MINDY4: variants seen among roughly 807,000 people sequenced by gnomAD.
The protein encoded by MINDY4 is MINDY lysine 48 deubiquitinase 4.
MINDY4 carries 68 observed loss-of-function variants against 87.0 expected under a neutral mutation model. That is an observed-to-expected ratio of 0.78 (90% CI 0.64 to 0.96). The LOEUF is 0.96. Ranked by LOEUF, MINDY4 falls within the 40% of genes least tolerant of loss-of-function variation. MINDY4 has a pLI of 0.00. For missense variants in MINDY4, 919 were observed against 928.2 expected (o/e 0.99, Z 0.13); for synonymous variants, 379 against 363.2 (o/e 1.04, Z -0.50).
Position 30,852,729 on chromosome 7 carries a change from G to A in MINDY4, c.1611+450G>A, listed in dbSNP as rs151244560. 1.3e-3 allele frequency among the ~76,000 whole-genome samples: 202 copies of A among 152,284 alleles called. 2 individuals carry two copies. Among genetic ancestry groups the A allele is most frequent in the African/African-American group, 4.8e-3 (198 of 41,546 alleles). On this transcript the variant is annotated intron_variant, in intron 11 of 17. Coordinates refer to ENST00000265299, the MANE Select transcript of MINDY4 (RefSeq NM_032222.3). ...GCCAGATCTAAGTCATACACAATCG[G>A]GGAAATAATGGAAGACATACATTTT...
chr7:30,853,442 C>G lies in MINDY4; in HGVS notation c.1660C>G (p.Gln554Glu). The G allele has an allele frequency of 6.2e-7, 1 of 1,613,156 alleles. No homozygotes were observed. The highest frequency in any genetic ancestry group is 8.5e-7 in the Non-Finnish European group (1 of 1,179,496). Residue 554 changes from glutamine (Q) to glutamate (E), a missense_variant, in exon 12 of 18, where the codon CAA becomes GAA. Physicochemically the swap from Gln to Glu is conservative, Grantham distance 29. Coordinates refer to ENST00000265299, the MANE Select transcript of MINDY4 (RefSeq NM_032222.3). The stretch of plus-strand genomic sequence containing the variant: ...CTATGAGGACCTGGTGACTTTTCTT[C>G]AACAAAGCATTCATCAGGTATGAAG... ...TCYEDLVTFL[Q>E]QSIHQFEVGP...
At chr7:30,785,556 A>G (rs557956775) in intron 3 of MINDY4, among the ~76,000 whole-genome samples, 193 bp from the exon 4 acceptor site, 10 of 152,230 alleles carry the variant, frequency 6.6e-5, no homozygotes, top group Admixed American at 5.9e-4. Flanking sequence ...GTCTTATTTT[A>G]TAGGGCAGAC....
intron 15 of MINDY4, among the ~76,000 whole-genome samples, chr7:30,876,724 A>G (rs1281738761): frequency 6.6e-6 from 1 of 152,140 alleles, no homozygotes; most frequent in African/African-American, 2.4e-5. Context: ...TAAATGGGAA[A>G]GGTTGTCCTG....
At chr7:30,885,001 A>G (rs889638620) in intron 17 of MINDY4, among the ~76,000 whole-genome samples, 6 of 152,232 alleles carry the variant, frequency 3.9e-5, no homozygotes, top group Non-Finnish European at 5.9e-5. Flanking sequence ...GAGAGGCTGC[A>G]TGATTTGGGC....
intron 5 of MINDY4, chr7:30,796,691 A>G (rs913380188): frequency 6.6e-6 from 1 of 152,190 alleles, no homozygotes; most frequent in Non-Finnish European, 1.5e-5. Context: ...TTGCAGGTGT[A>G]GCAAAGTTAT....
intron 5 of MINDY4, among the ~76,000 whole-genome samples, chr7:30,811,868 TTGGGGAGCTCGGTTG>T (rs2128558380): frequency 6.6e-6 from 1 of 152,294 alleles, no homozygotes; most frequent in East Asian, 1.9e-4. Flanking sequence ...AATTGCTCAC[TTGGGGAGCTCGGTTG>T]TTGGAGACGT....
chr7:30,850,346 A>C lies in MINDY4; in HGVS notation c.1446-108A>C, dbSNP rs1789371818. ...AGGTGGCCCCTCTGCAGGCCAGAGA[A>C]AGAACAGGCCATCTGCGGAGGGGAC... On this transcript the variant is annotated intron_variant, in intron 9 of 17. Coordinates refer to ENST00000265299, the MANE Select transcript of MINDY4 (RefSeq NM_032222.3). The C allele has an allele frequency of 3.5e-5, 36 of 1,038,454 alleles. 1 individual carries two copies. In the South Asian group the frequency reaches 4.8e-4, roughly 14 times the overall value. 64.3% of individuals were successfully genotyped at this position (1,038,454 alleles called of 1,614,324 possible). A position where few individuals can be genotyped will look rare whatever the true frequency, so the allele number is the denominator to read the frequency against.
intron 6 of MINDY4, among the ~76,000 whole-genome samples, chr7:30,833,805 A>G (rs568026894): frequency 6.6e-6 from 1 of 152,370 alleles, no homozygotes; most frequent in African/African-American, 2.4e-5. Flanking sequence ...AAATTGGCCA[A>G]AACAAAGGGG....
At chr7:30,872,726 C>G (rs555803220) in intron 14 of MINDY4, among the ~76,000 whole-genome samples, 3 of 152,184 alleles carry the variant, frequency 2.0e-5, no homozygotes, top group Admixed American at 6.5e-5. Flanking sequence ...TTATAGCCAC[C>G]CTTCCCTTTG....
chr7:30,773,559 G>C (rs1333223502), intron 1 of MINDY4, among the ~76,000 whole-genome samples: 1 of 152,044 alleles, frequency 6.6e-6, no homozygotes, highest in South Asian at 2.1e-4. Flanking sequence ...GTCTTCCCTC[G>C]GGGGAGTCAT....
intron 5 of MINDY4, among the ~76,000 whole-genome samples, chr7:30,824,868 G>A (rs908602563): frequency 3.3e-5 from 5 of 152,184 alleles, no homozygotes; most frequent in African/African-American, 1.2e-4. Context: ...CTTCTTCTCT[G>A]TTATTATGTG....
At chr7:30,831,195 C>T (rs577862715) in intron 6 of MINDY4, among the ~76,000 whole-genome samples, 16 of 152,266 alleles carry the variant, frequency 1.1e-4, no homozygotes, top group East Asian at 3.9e-4. Flanking sequence ...AGGACCTGCC[C>T]GAATTTCACC....
chr7:30,858,949 A>G, intron 12 of MINDY4: 1 of 626,244 alleles, frequency 1.6e-6, no homozygotes, highest in South Asian at 1.5e-5. Context: ...TGCCCATTAG[A>G]TGCTTGCACC....
intron 2 of MINDY4, chr7:30,780,525 A>G (rs976656746): frequency 6.6e-5 from 10 of 152,214 alleles, no homozygotes; most frequent in African/African-American, 1.4e-4. Flanking sequence ...CTGTTATACA[A>G]TGAATCGGAG....
chr7:30,867,563 A>G (rs1424151237), intron 13 of MINDY4, among the ~76,000 whole-genome samples: 1 of 152,164 alleles, frequency 6.6e-6, no homozygotes, highest in Non-Finnish European at 1.5e-5. Flanking sequence ...CAGTAATTGG[A>G]TTTGACCAGG....
chr7:30,778,295 A>C (rs1435827086), intron 1 of MINDY4, 137 bp from the exon 2 acceptor site: 24 of 1,123,982 alleles, frequency 2.1e-5, no homozygotes, highest in Non-Finnish European at 2.9e-5. Flanking sequence ...AATATTAATT[A>C]TTGCAAAGGT....
chr7:30,833,575 C>T (rs1788771256), intron 6 of MINDY4, among the ~76,000 whole-genome samples: 1 of 152,302 alleles, frequency 6.6e-6, no homozygotes, highest in South Asian at 2.1e-4. Flanking sequence ...CCTCCCAAAT[C>T]TCATGTCTTC....
In MINDY4 at chr7:30,869,316, G is replaced by A. The variant is rs139683865; in HGVS notation, c.1746-2927G>A. 3.0e-3 allele frequency among the ~76,000 whole-genome samples: 457 copies of A among 152,328 alleles called. 3 individuals carry two copies. Among genetic ancestry groups the A allele is most frequent in the African/African-American group, 0.011 (444 of 41,566 alleles). On this transcript the variant is annotated intron_variant, in intron 13 of 17. Coordinates refer to ENST00000265299, the MANE Select transcript of MINDY4 (RefSeq NM_032222.3). ...GGGGCTGATAGAGGAGGAGAAGGAT[G>A]GGACAAGCCTCCACACTGCCTTCAG...
At chr7:30,873,048 G>A (rs1490021536) in intron 14 of MINDY4, among the ~76,000 whole-genome samples, 1 of 152,212 alleles carries the variant, frequency 6.6e-6, no homozygotes, top group Non-Finnish European at 1.5e-5. Context: ...GCCCAACTGA[G>A]GACTCAGTTG....
Sources: gnomAD v4.1 joint callset for allele counts (sites outside exome capture counted in the v4.1 genomes callset) on GRCh38, gnomAD v4.1.1 for gene constraint, MANE v1.5 for transcripts, NCBI Gene and HGNC (gene_info 2026-07-23, HGNC 2026-07-21) for gene names.